The following SENP5 variants were observed in gnomAD, a reference collection of about 807,000 sequenced individuals.
The protein encoded by SENP5 is sentrin-specific protease 5.
SENP5 carries 21 observed loss-of-function variants against 74.2 expected under a neutral mutation model. That is an observed-to-expected ratio of 0.28 (90% CI 0.20 to 0.41). The LOEUF is 0.41. Ranked by LOEUF, SENP5 falls within the 10% of genes least tolerant of loss-of-function variation. SENP5 has a pLI of 1.00. For synonymous variants in SENP5, 311 were observed against 312.7 expected, an observed-to-expected ratio of 0.99 and a Z score of 0.06; for missense variants, 717 against 889.1, an observed-to-expected ratio of 0.81 and a Z score of 2.46.
chr3:196,922,971 T>C (rs1715679482), intron 6 of SENP5, among the ~76,000 whole-genome samples: 1 of 152,130 alleles, frequency 6.6e-6, no homozygotes, highest in Non-Finnish European at 1.5e-5. Context: ...CAGGCTGGTC[T>C]CAAACTCCTG....
At chr3:196,884,737 T>C (rs966888989) in intron 1 of SENP5, among the ~76,000 whole-genome samples, 1 of 147,780 alleles carries the variant, frequency 6.8e-6, no homozygotes, top group Non-Finnish European at 1.5e-5. Context: ...AGTGGCGCGA[T>C]TTTTGGCTCA....
At chr3:196,898,714 A>T (rs184291627) in intron 2 of SENP5, among the ~76,000 whole-genome samples, 1 of 152,232 alleles carries the variant, frequency 6.6e-6, no homozygotes, top group Admixed American at 6.5e-5. Flanking sequence ...GGAGATCAAG[A>T]CCACCCTGGC....
At chr3:196,879,144 G>C (rs1252395753) in intron 1 of SENP5, among the ~76,000 whole-genome samples, 1 of 151,598 alleles carries the variant, frequency 6.6e-6, no homozygotes, top group Middle Eastern at 3.2e-3. Context: ...GGACCCCAGC[G>C]GTAAATGTCA....
chr3:196,912,503 G>A (rs1371112822), intron 6 of SENP5: 2 of 152,068 alleles, frequency 1.3e-5, no homozygotes, highest in African/African-American at 4.8e-5. Flanking sequence ...ACAGCGGGGT[G>A]CGGTGGTTCA....
Position 196,903,622 on chromosome 3 carries a change from ATTTC to A in SENP5, c.1884+16_1884+19del. 6.5e-7 allele frequency: 1 copy of A among 1,538,104 alleles called. No individual in the cohort carries two copies. The highest frequency in any genetic ancestry group is 1.4e-5 in the African/African-American group (1 of 72,480). On this transcript the variant is annotated intron_variant, in intron 6 of 9. Coordinates refer to ENST00000323460, the MANE Select transcript of SENP5 (RefSeq NM_152699.5). ...GATGGACTAAAAAGGTATTCTCTTT[ATTTC>A]TTTTTTATTCCAAATTTGAAACGCA...
chr3:196,921,462 A>G (rs1259726425), intron 6 of SENP5, among the ~76,000 whole-genome samples: 1 of 152,196 alleles, frequency 6.6e-6, no homozygotes. Context: ...TGATTTGGAA[A>G]GATAGGTGAA....
chr3:196,905,603 A>G (rs1268848747), intron 6 of SENP5, among the ~76,000 whole-genome samples: 2 of 152,166 alleles, frequency 1.3e-5, no homozygotes, highest in Non-Finnish European at 1.5e-5. Flanking sequence ...GGATATTACA[A>G]AGGATTCAGA....
At chr3:196,876,713 CAAAAA>C (rs34016373) in intron 1 of SENP5, among the ~76,000 whole-genome samples, 1 of 108,198 alleles carries the variant, frequency 9.2e-6, no homozygotes, top group Admixed American at 9.7e-5. Flanking sequence ...CGTATTTCTA[CAAAAA>C]AAAAAAAAAA....
intron 1 of SENP5, among the ~76,000 whole-genome samples, chr3:196,878,325 C>G (rs552557476): frequency 6.6e-6 from 1 of 152,042 alleles, no homozygotes; most frequent in South Asian, 2.1e-4. Flanking sequence ...TTCTTCTCCC[C>G]GTAGACATAA....
At chr3:196,907,280 T>G (rs536915636) in intron 6 of SENP5, among the ~76,000 whole-genome samples, 1 of 152,084 alleles carries the variant, frequency 6.6e-6, no homozygotes, top group East Asian at 1.9e-4. Context: ...GAGACCATCC[T>G]GGCTAACACG....
chr3:196,893,851 A>G (rs867689372), intron 2 of SENP5, among the ~76,000 whole-genome samples: 15 of 150,782 alleles, frequency 9.9e-5, no homozygotes, highest in Middle Eastern at 3.2e-3. Context: ...TGGAGGTTGC[A>G]GTGAGTTGAG....
At chr3:196,903,182 C>G (rs1303970005) in intron 5 of SENP5, among the ~76,000 whole-genome samples, 1 of 152,100 alleles carries the variant, frequency 6.6e-6, no homozygotes, top group Non-Finnish European at 1.5e-5. Context: ...CTCTGGTGCC[C>G]ATGCTGGAGT....
intron 1 of SENP5, among the ~76,000 whole-genome samples, chr3:196,874,751 T>A (rs565303701): frequency 1.1e-4 from 16 of 152,126 alleles, no homozygotes; most frequent in Admixed American, 9.2e-4. Flanking sequence ...TGGTGGCGCA[T>A]GCCTGTAATC....
At chr3:196,918,852 A>C (rs946125363) in intron 6 of SENP5, among the ~76,000 whole-genome samples, 1 of 151,342 alleles carries the variant, frequency 6.6e-6, no homozygotes, top group Admixed American at 6.5e-5. Flanking sequence ...GAAGCCAAAA[A>C]AAGAGAGCAG....
At chr3:196,929,987 T>TGA (rs1280398472) in intron 9 of SENP5, among the ~76,000 whole-genome samples, 4 of 136,626 alleles carry the variant, frequency 2.9e-5, no homozygotes, top group Non-Finnish European at 4.8e-5. Flanking sequence ...GGCATTTGCA[T>TGA]AAAAAAAAAA....
At chr3:196,908,022 C>G (rs1714976521) in intron 6 of SENP5, among the ~76,000 whole-genome samples, 1 of 152,134 alleles carries the variant, frequency 6.6e-6, no homozygotes, top group Non-Finnish European at 1.5e-5. Context: ...GCAGTCTGAA[C>G]ACTTTGGGAG....
chr3:196,900,355 C>T lies in SENP5; in HGVS notation c.1759-10C>T. 2 of 1,596,372 alleles carry T rather than the reference C, an allele frequency of 1.3e-6. No individual in the cohort carries two copies. The highest frequency in any genetic ancestry group is 2.2e-5 in the East Asian group (1 of 44,656). On this transcript the variant is annotated splice_polypyrimidine_tract_variant and intron_variant, in intron 4 of 9. Transcript: ENST00000323460. ...AGATAGTAAGCTGGTTTTATGTTGA[C>T]TTTTTATAGGTCATTAATATGTATG... is the stretch of plus-strand genomic sequence containing the variant.
At chr3:196,924,331 A>G (rs937667005) in intron 7 of SENP5, among the ~76,000 whole-genome samples, 4 of 152,222 alleles carry the variant, frequency 2.6e-5, no homozygotes, top group Non-Finnish European at 5.9e-5. Flanking sequence ...GAAAATATGT[A>G]TGATGCAAAT....
chr3:196,901,251 G>C (rs1027675174), intron 5 of SENP5, among the ~76,000 whole-genome samples: 1 of 151,368 alleles, frequency 6.6e-6, no homozygotes, highest in Non-Finnish European at 1.5e-5. Context: ...TACCATGTTG[G>C]GCAGGCTGGT....
Sources: gnomAD v4.1 joint callset for allele counts (sites outside exome capture counted in the v4.1 genomes callset) on GRCh38, gnomAD v4.1.1 for gene constraint, MANE v1.5 for transcripts, NCBI Gene and HGNC (gene_info 2026-07-23, HGNC 2026-07-21) for gene names.